Variants in GINS3 observed in about 807,000 individuals in gnomAD.
The protein encoded by GINS3 is GINS complex subunit 3.
In GINS3, 18 loss-of-function variants were observed where a neutral mutation model predicts 20.0. The observed-to-expected ratio is 0.90, with a 90% confidence interval of 0.62 to 1.33. GINS3 has a LOEUF of 1.33. Ranked by LOEUF, GINS3 falls within the 40% of genes most tolerant of loss-of-function variation. GINS3 has a pLI of 0.00. For missense variants in GINS3, 254 were observed against 273.6 expected (o/e 0.93, Z 0.51); for synonymous variants, 109 against 107.0 (o/e 1.02, Z -0.12).
At position 58,398,707 on chromosome 16, in the gene GINS3, A is replaced by G. The variant is rs183934142; in HGVS notation, c.187-4391A>G. 1.2e-3 allele frequency among the ~76,000 whole-genome samples: 188 copies of G among 152,256 alleles called. 1 individual carries two copies. The highest frequency in any genetic ancestry group is 4.1e-3 in the African/African-American group (172 of 41,582). On this transcript the variant is annotated intron_variant, in intron 1 of 2. Coordinates refer to ENST00000318129, the MANE Select transcript of GINS3 (RefSeq NM_022770.4). ...AATTGTGATTTCTTTTTTGACCTGT[A>G]GGTATTTAGAAGACTAGTGCTTAAT...
chr16:58,396,568 AT>A (rs1469409750), intron 1 of GINS3, among the ~76,000 whole-genome samples: 2 of 33,852 alleles, frequency 5.9e-5, no homozygotes, highest in Admixed American at 2.5e-4. Flanking sequence ...GCGGGGGCTG[AT>A]CCCCCCCACC....
chr16:58,403,677 G>A lies in GINS3; in HGVS notation c.420+346G>A, dbSNP rs576897857. On this transcript the variant is annotated intron_variant, in intron 2 of 2. Coordinates refer to ENST00000318129, the MANE Select transcript of GINS3 (RefSeq NM_022770.4). ...TTTGGGAGGCCAAGGCAGGAGGATC[G>A]CTGAGCCCAGGAGTTCAAGACCAAC... The A allele has an allele frequency of 2.1e-4, 58 of 271,838 alleles. No homozygotes were observed. In the South Asian group the frequency reaches 2.6e-3, roughly 12 times the overall value. 16.8% of individuals were successfully genotyped at this position (271,838 alleles called of 1,614,324 possible). A position where few individuals can be genotyped will look rare whatever the true frequency, so the allele number is the denominator to read the frequency against.
chr16:58,392,542 C>T lies in GINS3; in HGVS notation c.-60C>T. On this transcript the variant is annotated 5_prime_UTR_variant, in exon 1 of 3. Coordinates refer to ENST00000318129, the MANE Select transcript of GINS3 (RefSeq NM_022770.4). ...CTCCGCTTCCCCGTCTTGTACACCC[C>T]TAACTCCTGAGGCTCCTCCGAATCA... is the stretch of plus-strand genomic sequence containing the variant. The T allele has an allele frequency of 6.3e-7, 1 of 1,581,276 alleles. No homozygotes were observed.
Position 58,392,528 on chromosome 16 carries a change from C to G in GINS3, c.-74C>G. 6.6e-7 allele frequency: 1 copy of G among 1,505,952 alleles called. No homozygotes were observed. The highest frequency in any genetic ancestry group is 9.1e-7 in the Non-Finnish European group (1 of 1,103,150). 93.3% of individuals were successfully genotyped at this position (1,505,952 alleles called of 1,614,324 possible). A position where few individuals can be genotyped will look rare whatever the true frequency, so the allele number is the denominator to read the frequency against. On this transcript the variant is annotated 5_prime_UTR_variant, in exon 1 of 3. Transcript: ENST00000318129. ...CCATCCTGCCCAGTCTCCGCTTCCC[C>G]GTCTTGTACACCCCTAACTCCTGAG...
Position 58,392,502 on chromosome 16 carries a change from A to G in GINS3, c.-100A>G, listed in dbSNP as rs1200588472. ...GTTTCAATCCACTTTCCTGACCCCAACCATCCTGCCCAGTCTCCGCTTCCC... is the reference window on the plus strand; with the variant it reads ...GTTTCAATCCACTTTCCTGACCCCAGCCATCCTGCCCAGTCTCCGCTTCCC... On this transcript the variant is annotated 5_prime_UTR_variant, in exon 1 of 3. Transcript: ENST00000318129. The G allele has an allele frequency of 1.3e-5, 18 of 1,353,448 alleles. No homozygotes were observed. The highest frequency in any genetic ancestry group is 1.4e-5 in the South Asian group (1 of 73,632). 83.8% of individuals were successfully genotyped at this position (1,353,448 alleles called of 1,614,324 possible).
rs528280771 is a variant in GINS3 at position 58,405,029 on chromosome 16, C to T, written c.*300C>T. ...AGAATCACTGCCATATAATATATCA[C>T]AGTAGAGTTGCAACTGAGATTCCTT... On this transcript the variant is annotated 3_prime_UTR_variant, in exon 3 of 3. Transcript: ENST00000318129. 9.8e-5 allele frequency: 30 copies of T among 307,304 alleles called. 1 individual carries two copies. In the South Asian group the frequency reaches 1.4e-3, roughly 15 times the overall value. 19.0% of individuals were successfully genotyped at this position (307,304 alleles called of 1,614,324 possible). A position where few individuals can be genotyped will look rare whatever the true frequency, so the allele number is the denominator to read the frequency against.
At chr16:58,395,412 G>A (rs1390363505) in intron 1 of GINS3, among the ~76,000 whole-genome samples, 1 of 151,434 alleles carries the variant, frequency 6.6e-6, no homozygotes, top group African/African-American at 2.4e-5. Context: ...CAATAGTGGA[G>A]GGAAGGTCAA....
chr16:58,401,688 G>A (rs1273892599), intron 1 of GINS3, among the ~76,000 whole-genome samples: 4 of 152,298 alleles, frequency 2.6e-5, no homozygotes, highest in African/African-American at 9.6e-5. Flanking sequence ...AAGCCCAGCC[G>A]GCTTCACCTT....
intron 1 of GINS3, among the ~76,000 whole-genome samples, chr16:58,396,733 C>T (rs1392761999): frequency 1.5e-5 from 2 of 132,272 alleles, no homozygotes; most frequent in African/African-American, 3.0e-5. Context: ...CCACCTCCCT[C>T]CCGGACGGGG....
chr16:58,395,337 A>AT (rs71155263), intron 1 of GINS3: 4,810 of 166,810 alleles, frequency 0.029, 76 homozygotes, highest in Non-Finnish European at 0.031. Context: ...ATATATATAT[A>AT]TTTTTTTTTT....
chr16:58,400,168 G>A (rs1965936214), intron 1 of GINS3, among the ~76,000 whole-genome samples: 1 of 152,190 alleles, frequency 6.6e-6, no homozygotes, highest in Admixed American at 6.5e-5. Flanking sequence ...AAAGGACTCA[G>A]CATATAGTCA....
In GINS3 at chr16:58,403,211, C is replaced by T. The variant is rs2151495414; in HGVS notation, c.300C>T (p.Phe100=). The T allele has an allele frequency of 1.2e-6, 2 of 1,614,164 alleles. No individual in the cohort carries two copies. Among genetic ancestry groups the T allele is most frequent in the East Asian group, 4.5e-5 (2 of 44,884 alleles). Residue 100 remains phenylalanine, a synonymous_variant, in exon 2 of 3, where the codon TTC becomes TTT. Coordinates refer to ENST00000318129, the MANE Select transcript of GINS3 (RefSeq NM_022770.4). ...ACCAAGAGGGTTGGAGGACTGTGTT[C>T]AGTGCAGATCCCAATGTGGTGGACC... is the stretch of plus-strand genomic sequence containing the variant. ...KIYQEGWRTV[F]SADPNVVDLH...
At position 58,404,649 on chromosome 16, in the gene GINS3, A is replaced by C; in HGVS notation, c.571A>C (p.Lys191Gln). 1 of 1,614,114 alleles carries C rather than the reference A, an allele frequency of 6.2e-7. No homozygotes were observed. Among genetic ancestry groups the C allele is most frequent in the Non-Finnish European group, 8.5e-7 (1 of 1,180,018 alleles). Reference protein sequence around the residue: ...KGLNDFQCWEKGQASQITASN... With the variant: ...KGLNDFQCWEQGQASQITASN... Reference sequence around the variant, plus strand: ...ACTGAATGACTTTCAGTGTTGGGAGAAGGGGCAGGCTTCTCAGATCACAGC... The same window carrying C: ...ACTGAATGACTTTCAGTGTTGGGAGCAGGGGCAGGCTTCTCAGATCACAGC... Residue 191 changes from lysine to glutamine, a missense_variant, in exon 3 of 3, where the codon AAG becomes CAG. By Grantham distance (53) the Lys-to-Gln change is moderately conservative. Transcript: ENST00000318129.
chr16:58,400,216 A>T (rs1392706297), intron 1 of GINS3, among the ~76,000 whole-genome samples: 1 of 152,244 alleles, frequency 6.6e-6, no homozygotes, highest in Non-Finnish European at 1.5e-5. Flanking sequence ...AAAGGATATA[A>T]AGCAAAATTA....
rs776683135 is a variant in GINS3 at position 58,392,763 on chromosome 16, C to G, written c.162C>G (p.Ala54=). The change falls in exon 1 of 3, where the codon GCC becomes GCG. Residue 54 remains alanine, a synonymous_variant. Transcript: ENST00000318129. ...TCTTCCTGGAGCGGAGCGCAGGCGC[C>G]GAGACTGACAACGCGGTCCCACAGG... ...GAFFLERSAG[A]ETDNAVPQGS... 1 of 1,611,338 alleles carries G rather than the reference C, an allele frequency of 6.2e-7. No individual in the cohort carries two copies. Among genetic ancestry groups the G allele is most frequent in the East Asian group, 2.2e-5 (1 of 44,870 alleles).
chr16:58,396,091 A>AT (rs1965851957), intron 1 of GINS3, among the ~76,000 whole-genome samples: 2 of 86,572 alleles, frequency 2.3e-5, no homozygotes, highest in South Asian at 8.6e-4. Context: ...CGGGGGGCTG[A>AT]CTCCCCCACC....
At chr16:58,395,307 C>G in intron 1 of GINS3, 1 of 222,340 alleles carries the variant, frequency 4.5e-6, no homozygotes. Flanking sequence ...ATTTGAAATT[C>G]TTCTGTAATA....
chr16:58,395,186 C>A (rs1247800690), intron 1 of GINS3: 22 of 421,378 alleles, frequency 5.2e-5, no homozygotes, highest in Middle Eastern at 3.2e-4. Flanking sequence ...AGAGATCCTC[C>A]CACCTCAGCC....
At chr16:58,396,548 G>A (rs1596956355) in intron 1 of GINS3, among the ~76,000 whole-genome samples, 2 of 8,190 alleles carry the variant, frequency 2.4e-4, no homozygotes, top group Non-Finnish European at 5.2e-4. Flanking sequence ...CGGACGGGGC[G>A]GCTGGTCGGG....
Sources: gnomAD v4.1 joint callset for allele counts (sites outside exome capture counted in the v4.1 genomes callset) on GRCh38, gnomAD v4.1.1 for gene constraint, MANE v1.5 for transcripts, NCBI Gene and HGNC (gene_info 2026-07-23, HGNC 2026-07-21) for gene names.